PRKG1: variants seen among roughly 807,000 people sequenced by gnomAD.
The protein encoded by PRKG1 is protein kinase cGMP-dependent 1.
Under a neutral mutation model 88.1 loss-of-function variants are expected in PRKG1, and 35 were observed. The observed-to-expected ratio is 0.40, with a 90% CI of 0.30 to 0.53. PRKG1 has a LOEUF of 0.53. Ranked by LOEUF, PRKG1 falls within the 20% of genes least tolerant of loss-of-function variation. The probability of loss-of-function intolerance (pLI) is 0.59; values close to 1 mark genes in which losing one functional copy is unlikely to be tolerated. For missense variants in PRKG1, 540 were observed against 839.8 expected (o/e 0.64, Z 4.41); for synonymous variants, 303 against 292.5 (o/e 1.04, Z -0.37).
intron 5 of PRKG1, among the ~76,000 whole-genome samples, chr10:52,003,479 A>C (rs1844651641): frequency 6.6e-6 from 1 of 152,332 alleles, no homozygotes; most frequent in Admixed American, 6.5e-5. Context: ...TAAGAACAGC[A>C]ACAGTAAAGA....
intron 12 of PRKG1, among the ~76,000 whole-genome samples, chr10:52,279,083 A>C (rs936461038): frequency 6.6e-6 from 1 of 152,126 alleles, no homozygotes; most frequent in African/African-American, 2.4e-5. Flanking sequence ...TTACTCTTTA[A>C]GGTAAATAAT....
Position 51,252,569 on chromosome 10 carries a change from T to C in PRKG1, c.478+99239T>C, listed in dbSNP as rs189047810. ...TTAGTAAGTTCTGTTCTTTTTTTCA[T>C]GAAATAGTGAGAGTTTGGATTATCA... On this transcript the variant is annotated intron_variant, in intron 2 of 17. Transcript: ENST00000373980. 5.4e-4 allele frequency among the ~76,000 whole-genome samples: 82 copies of C among 151,208 alleles called. 1 individual carries two copies. In the East Asian group the frequency reaches 0.014, roughly 26 times the overall value.
chr10:51,707,514 A>C (rs1841639711), intron 3 of PRKG1, among the ~76,000 whole-genome samples: 1 of 152,182 alleles, frequency 6.6e-6, no homozygotes, highest in Admixed American at 6.5e-5. Context: ...GTATCCTCAT[A>C]AACTGTGGAA....
chr10:51,667,788 C>G (rs1167811183), intron 3 of PRKG1, among the ~76,000 whole-genome samples: 3 of 152,162 alleles, frequency 2.0e-5, no homozygotes, highest in Non-Finnish European at 4.4e-5. Context: ...ATTCCAGGCT[C>G]AGGCATCATT....
intron 3 of PRKG1, among the ~76,000 whole-genome samples, chr10:51,783,682 TA>T (rs1373687311): frequency 5.3e-5 from 8 of 152,070 alleles, no homozygotes; most frequent in African/African-American, 1.9e-4. Context: ...CAAGACCTAC[TA>T]GGGGGCTGGG....
chr10:51,770,881 T>C (rs925547874), intron 3 of PRKG1, among the ~76,000 whole-genome samples: 28 of 152,218 alleles, frequency 1.8e-4, no homozygotes, highest in African/African-American at 6.8e-4. Flanking sequence ...ACTAGAGTCA[T>C]GTATTGCTTA....
At chr10:51,509,072 T>TA (rs1346870869) in intron 3 of PRKG1, among the ~76,000 whole-genome samples, 1 of 152,164 alleles carries the variant, frequency 6.6e-6, no homozygotes, top group Admixed American at 6.5e-5. Flanking sequence ...AAAAGAACAT[T>TA]AATATTCATT....
chr10:51,794,666 G>A (rs1412065675), intron 3 of PRKG1, among the ~76,000 whole-genome samples: 2 of 151,954 alleles, frequency 1.3e-5, no homozygotes, highest in African/African-American at 2.4e-5. Context: ...ATGAGGTATT[G>A]CAATTGTTAA....
chr10:51,378,347 A>G (rs1842855725), intron 2 of PRKG1, among the ~76,000 whole-genome samples: 1 of 152,174 alleles, frequency 6.6e-6, no homozygotes, highest in South Asian at 2.1e-4. Flanking sequence ...CATGCATAAC[A>G]CAGATTGGAA....
At chr10:51,222,265 T>G (rs969897067) in intron 2 of PRKG1, among the ~76,000 whole-genome samples, 1 of 152,156 alleles carries the variant, frequency 6.6e-6, no homozygotes. Flanking sequence ...ACTTGTCTAC[T>G]CTAAGACCAA....
chr10:51,422,466 C>G (rs971841158), intron 2 of PRKG1, among the ~76,000 whole-genome samples: 1 of 152,188 alleles, frequency 6.6e-6, no homozygotes, highest in Non-Finnish European at 1.5e-5. Flanking sequence ...TTTGCAACAT[C>G]TCAGAGAAGT....
chr10:52,132,770 A>G, intron 7 of PRKG1, among the ~76,000 whole-genome samples: 1 of 152,162 alleles, frequency 6.6e-6, no homozygotes. Flanking sequence ...CTTATTTTGT[A>G]ATTTTTAAAT....
intron 5 of PRKG1, among the ~76,000 whole-genome samples, chr10:52,009,748 G>C (rs1423522979): frequency 6.6e-6 from 1 of 152,098 alleles, no homozygotes; most frequent in African/African-American, 2.4e-5. Context: ...AAATCTGGAG[G>C]CATAACATAC....
intron 3 of PRKG1, among the ~76,000 whole-genome samples, chr10:51,490,411 T>C (rs1023384783): frequency 1.3e-5 from 2 of 152,136 alleles, no homozygotes; most frequent in African/African-American, 4.8e-5. Flanking sequence ...TTTAAATATG[T>C]AATACCAGAT....
intron 2 of PRKG1, among the ~76,000 whole-genome samples, chr10:51,254,013 T>C (rs1839491339): frequency 6.6e-6 from 1 of 151,988 alleles, no homozygotes; most frequent in South Asian, 2.1e-4. Flanking sequence ...TGAGAGTTCA[T>C]CCTCATGAAC....
At chr10:51,487,688 G>A (rs1019211901) in intron 3 of PRKG1, among the ~76,000 whole-genome samples, 2 of 152,068 alleles carry the variant, frequency 1.3e-5, no homozygotes, top group African/African-American at 4.8e-5. Context: ...TAAGGAGTAT[G>A]TCTCATCAAC....
chr10:51,282,909 A>T (rs1441678566), intron 2 of PRKG1, among the ~76,000 whole-genome samples: 1 of 152,116 alleles, frequency 6.6e-6, no homozygotes, highest in Non-Finnish European at 1.5e-5. Flanking sequence ...TTACATGGGT[A>T]TGTTGTGTGA....
intron 5 of PRKG1, among the ~76,000 whole-genome samples, chr10:52,003,057 T>A (rs1016849520): frequency 2.6e-5 from 4 of 152,244 alleles, no homozygotes; most frequent in Non-Finnish European, 5.9e-5. Flanking sequence ...TTTCACCAAA[T>A]GCCTCCTTGC....
At chr10:51,191,045 T>G (rs561166648) in intron 2 of PRKG1, among the ~76,000 whole-genome samples, 1 of 152,018 alleles carries the variant, frequency 6.6e-6, no homozygotes, top group Admixed American at 6.6e-5. Flanking sequence ...CAGCAGGGGC[T>G]GGAAAATAGT....
Sources: allele counts gnomAD v4.1 joint callset (sites outside exome capture counted in the v4.1 genomes callset), GRCh38; gene constraint gnomAD v4.1.1; transcripts MANE v1.5; gene names NCBI Gene and HGNC (gene_info 2026-07-23, HGNC 2026-07-21).